Variants in ADK observed in about 807,000 individuals in gnomAD.
ADK encodes the protein N6,N6-dimethyladenosine kinase.
Under a neutral mutation model 44.7 loss-of-function variants are expected in ADK, and 24 were observed. The ratio of observed to expected loss-of-function variants is 0.54; its 90% CI spans 0.39 to 0.76. ADK has a LOEUF of 0.76. Among genes scored for constraint, ADK ranks in the 30% least tolerant of loss-of-function variants. The pLI is 0.00. For missense variants in ADK, 321 were observed against 425.1 expected (o/e 0.76, Z 2.15); for synonymous variants, 128 against 142.6 (o/e 0.90, Z 0.73).
chr10:74,348,072 T>G (rs1346843576), intron 4 of ADK, among the ~76,000 whole-genome samples: 1 of 152,188 alleles, frequency 6.6e-6, no homozygotes, highest in Non-Finnish European at 1.5e-5. Flanking sequence ...AGAACAGTGC[T>G]TGAGCTCTGC....
intron 7 of ADK, among the ~76,000 whole-genome samples, chr10:74,574,164 TTC>T (rs1851086811): frequency 6.6e-6 from 1 of 151,260 alleles, no homozygotes; most frequent in Non-Finnish European, 1.5e-5. Context: ...GCTACTTTCT[TTC>T]TTTTTTTTTT....
intron 2 of ADK, among the ~76,000 whole-genome samples, chr10:74,201,856 G>T (rs779305565): frequency 6.6e-6 from 1 of 151,954 alleles, no homozygotes; most frequent in Non-Finnish European, 1.5e-5. Context: ...TGATGAGAAA[G>T]CAAGATCCCC....
At chr10:74,536,222 A>AT (rs1248796943) in intron 7 of ADK, among the ~76,000 whole-genome samples, 1 of 151,966 alleles carries the variant, frequency 6.6e-6, no homozygotes, top group Non-Finnish European at 1.5e-5. Flanking sequence ...GGTAGTTCTG[A>AT]TTTTTTATTA....
At chr10:74,435,798 A>G (rs1845161554) in intron 6 of ADK, among the ~76,000 whole-genome samples, 1 of 152,226 alleles carries the variant, frequency 6.6e-6, no homozygotes, top group Non-Finnish European at 1.5e-5. Context: ...TCATCAGCAA[A>G]TAACCTTATG....
intron 6 of ADK, among the ~76,000 whole-genome samples, chr10:74,482,299 G>C (rs1847101961): frequency 6.6e-6 from 1 of 152,056 alleles, no homozygotes; most frequent in African/African-American, 2.4e-5. Context: ...AGGGGGAGAC[G>C]CTACACACTG....
At position 74,273,939 on chromosome 10, in the gene ADK, G is replaced by A. The variant is rs12254040; in HGVS notation, c.195-40728G>A. 2.6e-3 allele frequency among the ~76,000 whole-genome samples: 403 copies of A among 152,216 alleles called. 4 individuals are homozygous for A. Among genetic ancestry groups the A allele is most frequent in the African/African-American group, 9.3e-3 (387 of 41,532 alleles). On this transcript the variant is annotated intron_variant, in intron 3 of 10. Coordinates refer to ENST00000539909, the MANE Select transcript of ADK (RefSeq NM_006721.4). ...TGTGAATTTGCATTTTTCTTAGGAGGTCTGTGGCTTCCATTATCTTCTTTA... is the reference window on the plus strand; with the variant it reads ...TGTGAATTTGCATTTTTCTTAGGAGATCTGTGGCTTCCATTATCTTCTTTA...
rs367695506 is a variant in ADK at position 74,693,962 on chromosome 10, G to A, written c.965-14359G>A. Among the ~76,000 whole-genome samples, 35 of 152,148 alleles carry A rather than the reference G, an allele frequency of 2.3e-4. No individual in the cohort carries two copies. The East Asian group carries it at 3.9e-3, about 17-fold the overall frequency. On this transcript the variant is annotated intron_variant, in intron 10 of 10. Coordinates refer to ENST00000539909, the MANE Select transcript of ADK (RefSeq NM_006721.4). ...AACACATCACTTAGCTGAAACTCTT[G>A]AATGGTTGCTCTTAATAACCATTTT...
chr10:74,276,698 G>C (rs1846693885), intron 3 of ADK, among the ~76,000 whole-genome samples: 1 of 152,096 alleles, frequency 6.6e-6, no homozygotes, highest in African/African-American at 2.4e-5. Context: ...ACTTGCAGTT[G>C]TAGGACTGAG....
intron 1 of ADK, among the ~76,000 whole-genome samples, chr10:74,177,662 T>C (rs1228632610): frequency 1.3e-5 from 2 of 152,108 alleles, no homozygotes; most frequent in Non-Finnish European, 2.9e-5. Context: ...ATACCCAGTG[T>C]TCTGACTGGC....
chr10:74,189,853 C>T lies in ADK; in HGVS notation c.66-10911C>T, dbSNP rs550997301. Among the ~76,000 whole-genome samples, 273 of 152,184 alleles carry T rather than the reference C, an allele frequency of 1.8e-3. 1 individual carries two copies. The highest frequency in any genetic ancestry group is 2.9e-3 in the Non-Finnish European group (199 of 68,008). ...CTAAGTGGAATCATATAATATTTGGCCTTTTGTAGCTGGCTTTTTTTTTTA... is the reference window on the plus strand; with the variant it reads ...CTAAGTGGAATCATATAATATTTGGTCTTTTGTAGCTGGCTTTTTTTTTTA... On this transcript the variant is annotated intron_variant, in intron 1 of 10. Coordinates refer to ENST00000539909, the MANE Select transcript of ADK (RefSeq NM_006721.4).
At chr10:74,231,048 C>A (rs1241388315) in intron 3 of ADK, among the ~76,000 whole-genome samples, 1 of 152,068 alleles carries the variant, frequency 6.6e-6, no homozygotes, top group Non-Finnish European at 1.5e-5. Context: ...TCACAGAGAA[C>A]TCATTAGTTA....
intron 6 of ADK, among the ~76,000 whole-genome samples, chr10:74,516,301 C>T (rs1265777180): frequency 1.2e-4 from 19 of 152,084 alleles, no homozygotes; most frequent in Admixed American, 1.2e-3. Context: ...GATGGGACCA[C>T]GAGTTTGAGT....
chr10:74,195,477 A>G (rs1201113607), intron 1 of ADK, among the ~76,000 whole-genome samples: 3 of 151,870 alleles, frequency 2.0e-5, no homozygotes, highest in Non-Finnish European at 4.4e-5. Context: ...TTTATATGCT[A>G]CTTTATTTAA....
chr10:74,243,677 A>G (rs541789718), intron 3 of ADK, among the ~76,000 whole-genome samples: 1 of 152,192 alleles, frequency 6.6e-6, no homozygotes, highest in South Asian at 2.1e-4. Flanking sequence ...AGCCTGGGCA[A>G]TATGGTGAAA....
intron 6 of ADK, among the ~76,000 whole-genome samples, chr10:74,497,469 C>T (rs188670795): frequency 6.6e-6 from 1 of 152,214 alleles, no homozygotes; most frequent in East Asian, 1.9e-4. Flanking sequence ...ATCTTTTCTC[C>T]CACCTCTCTC....
At chr10:74,361,164 A>G (rs1485717310) in intron 4 of ADK, among the ~76,000 whole-genome samples, 2 of 152,196 alleles carry the variant, frequency 1.3e-5, no homozygotes, top group Non-Finnish European at 2.9e-5. Context: ...TCGGCCTCCC[A>G]AAGTGTTGGG....
In ADK at chr10:74,229,195, AAAAT is replaced by A. The variant is rs1274719345; in HGVS notation, c.194+4613_194+4616del. On this transcript the variant is annotated intron_variant, in intron 3 of 10. Transcript: ENST00000539909. ...ATTTACGATTATGATGAGATGGAAG[AAAAT>A]AAATAAATTATGCAATAGGCATGAA... Among the ~76,000 whole-genome samples the A allele has an allele frequency of 3.9e-5, 6 of 152,306 alleles. No individual in the cohort carries two copies. The East Asian group carries it at 5.8e-4, about 15-fold the overall frequency.
Position 74,369,314 on chromosome 10 carries a change from C to T in ADK, c.274-24827C>T, listed in dbSNP as rs112169166. On this transcript the variant is annotated intron_variant, in intron 4 of 10. Coordinates refer to ENST00000539909, the MANE Select transcript of ADK (RefSeq NM_006721.4). Reference sequence around the variant, plus strand: ...GAGGCTGCAATGAGCCATGATTGTGCCGCTGTGCTCCAGCCTCAGAGACAG... The same window carrying T: ...GAGGCTGCAATGAGCCATGATTGTGTCGCTGTGCTCCAGCCTCAGAGACAG... Among the ~76,000 whole-genome samples, 11 of 152,256 alleles carry T rather than the reference C, an allele frequency of 7.2e-5. 1 individual carries two copies. The highest frequency in any genetic ancestry group is 2.2e-4 in the African/African-American group (9 of 41,538).
At chr10:74,637,852 CTT>C (rs1355302610) in intron 9 of ADK, among the ~76,000 whole-genome samples, 2 of 152,144 alleles carry the variant, frequency 1.3e-5, no homozygotes, top group Non-Finnish European at 2.9e-5. Flanking sequence ...CATGAAGAAA[CTT>C]TTAGAATTGA....
Sources: allele counts gnomAD v4.1 joint callset (sites outside exome capture counted in the v4.1 genomes callset), GRCh38; gene constraint gnomAD v4.1.1; transcripts MANE v1.5; gene names NCBI Gene and HGNC (gene_info 2026-07-23, HGNC 2026-07-21).